The following EYS variants were observed in gnomAD, a reference collection of about 807,000 sequenced individuals.
EYS encodes the protein protein eyes shut homolog.
Under a neutral mutation model 282.1 loss-of-function variants are expected in EYS, and 250 were observed. The observed-to-expected ratio is 0.89, with a 90% CI of 0.80 to 0.98. The LOEUF is 0.98. EYS is among the 50% of genes least tolerant of loss of function. The probability of loss-of-function intolerance (pLI) is 0.00; values close to 1 mark genes in which losing one functional copy is unlikely to be tolerated. For synonymous variants in EYS, 1,355 were observed against 1,282.9 expected (o/e 1.06, Z -1.20); for missense variants, 4,016 against 3,709.0 (o/e 1.08, Z -2.15).
At chr6:64,228,869 G>A (rs1221910913) in intron 31 of EYS, among the ~76,000 whole-genome samples, 2 of 152,104 alleles carry the variant, frequency 1.3e-5, no homozygotes, top group East Asian at 3.9e-4. Context: ...ACTAGGTAAA[G>A]AGTTAAAGGA....
At chr6:63,782,154 G>A (rs531249402) in intron 39 of EYS, among the ~76,000 whole-genome samples, 1 of 152,298 alleles carries the variant, frequency 6.6e-6, no homozygotes, top group Admixed American at 6.5e-5. Context: ...CAGTTTGCCA[G>A]TATTTTATTG....
intron 29 of EYS, among the ~76,000 whole-genome samples, chr6:64,343,071 C>T (rs925363202): frequency 8.6e-5 from 13 of 152,012 alleles, no homozygotes; most frequent in African/African-American, 1.4e-4. Flanking sequence ...ACTTAGTTAC[C>T]TACAAAGAGA....
intron 12 of EYS, among the ~76,000 whole-genome samples, chr6:65,101,696 T>C (rs1311974009): frequency 6.6e-6 from 1 of 151,230 alleles, no homozygotes; most frequent in South Asian, 2.1e-4. Context: ...GCTTTCTGAC[T>C]TGGAGTCACA....
chr6:65,486,042 C>T (rs1765770403), intron 5 of EYS, among the ~76,000 whole-genome samples: 1 of 152,114 alleles, frequency 6.6e-6, no homozygotes, highest in South Asian at 2.1e-4. Flanking sequence ...ATTTTAAATA[C>T]ACATTTTGTT....
At chr6:64,445,267 A>T (rs1775082757) in intron 26 of EYS, among the ~76,000 whole-genome samples, 1 of 152,210 alleles carries the variant, frequency 6.6e-6, no homozygotes, top group South Asian at 2.1e-4. Context: ...AATAATGATT[A>T]TAGCAAGCAC....
intron 5 of EYS, among the ~76,000 whole-genome samples, chr6:65,407,851 A>C (rs2150367496): frequency 6.6e-6 from 1 of 151,850 alleles, no homozygotes; most frequent in African/African-American, 2.4e-5. Flanking sequence ...GAAAGTAGAT[A>C]TCATAGTCTT....
chr6:64,493,574 C>G (rs1349117376), intron 26 of EYS, among the ~76,000 whole-genome samples: 1 of 151,452 alleles, frequency 6.6e-6, no homozygotes, highest in Non-Finnish European at 1.5e-5. Context: ...ATCAGTAGGT[C>G]CCCTTCAGTT....
intron 22 of EYS, among the ~76,000 whole-genome samples, chr6:64,655,537 G>A (rs1009729962): frequency 4.0e-5 from 6 of 151,710 alleles, no homozygotes; most frequent in African/African-American, 1.5e-4. Context: ...TAGAAAAAAA[G>A]GGAAACAGAC....
chr6:65,235,725 T>G (rs1766905212), intron 12 of EYS, among the ~76,000 whole-genome samples: 1 of 152,210 alleles, frequency 6.6e-6, no homozygotes, highest in African/African-American at 2.4e-5. Context: ...AAATTTTCCT[T>G]GATTTTTGAA....
chr6:64,360,305 T>G (rs1009327261), intron 29 of EYS, among the ~76,000 whole-genome samples: 2 of 151,708 alleles, frequency 1.3e-5, no homozygotes, highest in Admixed American at 1.3e-4. Flanking sequence ...TCACATATTT[T>G]TCCACACTCT....
At chr6:64,806,704 T>G (rs1764439695) in intron 22 of EYS, among the ~76,000 whole-genome samples, 1 of 151,234 alleles carries the variant, frequency 6.6e-6, no homozygotes. Flanking sequence ...CCAAGGAGAA[T>G]CAAGTCTGGG....
At chr6:64,735,209 G>A (rs9294589) in intron 22 of EYS, among the ~76,000 whole-genome samples, 10,407 of 152,028 alleles carry the variant, frequency 0.068, 1,194 homozygotes, top group African/African-American at 0.24. Flanking sequence ...TCAGCCTCCC[G>A]AGTGGCTGAG....
intron 28 of EYS, among the ~76,000 whole-genome samples, chr6:64,420,706 T>C (rs1774203673): frequency 6.6e-6 from 1 of 152,078 alleles, no homozygotes. Flanking sequence ...CCCTAAATCA[T>C]CTCTCTCATG....
At chr6:64,720,576 C>T (rs770839338) in intron 22 of EYS, among the ~76,000 whole-genome samples, 93 of 152,120 alleles carry the variant, frequency 6.1e-4, no homozygotes, top group Non-Finnish European at 1.0e-4. Flanking sequence ...ATCATATATT[C>T]TTGCAGTTTT....
In EYS at chr6:65,057,649, C is replaced by G. The variant is rs1027731148; in HGVS notation, c.2102G>C (p.Gly701Ala). 1 of 1,550,672 alleles carries G rather than the reference C, an allele frequency of 6.4e-7. No homozygotes were observed. Among genetic ancestry groups the G allele is most frequent in the Non-Finnish European group, 8.7e-7 (1 of 1,146,276 alleles). The change falls in exon 13 of 43, where the codon GGT becomes GCT. Residue 701 changes from glycine (G) to alanine (A), a missense_variant. Transcript: ENST00000503581. Reference sequence around the variant, plus strand: ...AGGCACACACTGGCAGAAGTAATTACCAGGTTGGTCAATGCAGGTGGCTCC... The same window carrying G: ...AGGCACACACTGGCAGAAGTAATTAGCAGGTTGGTCAATGCAGGTGGCTCC... ...KNGATCIDQP[G>A]NYFCQCVPPF...
intron 26 of EYS, among the ~76,000 whole-genome samples, chr6:64,467,299 A>G (rs913782482): frequency 2.6e-5 from 4 of 152,192 alleles, no homozygotes; most frequent in Admixed American, 2.6e-4. Flanking sequence ...AGATTTTAAA[A>G]TAGCTAGAAC....
At chr6:64,949,200 G>T (rs531213994) in intron 14 of EYS, among the ~76,000 whole-genome samples, 17 of 151,926 alleles carry the variant, frequency 1.1e-4, no homozygotes, top group Admixed American at 7.2e-4. Flanking sequence ...CAACATAAAT[G>T]TATTGTCTCA....
intron 33 of EYS, among the ~76,000 whole-genome samples, chr6:64,043,110 G>A (rs985887296): frequency 5.3e-5 from 8 of 152,110 alleles, no homozygotes; most frequent in Admixed American, 2.6e-4. Flanking sequence ...TTTTATTTAA[G>A]TTGGGTCCCA....
At position 63,780,209 on chromosome 6, in the gene EYS, C is replaced by T. The variant is rs1305476155; in HGVS notation, c.7724-2029G>A. Among the ~76,000 whole-genome samples, 6 of 152,148 alleles carry T rather than the reference C, an allele frequency of 3.9e-5. No homozygotes were observed. In the South Asian group the frequency reaches 6.2e-4, roughly 16 times the overall value. On this transcript the variant is annotated intron_variant, in intron 39 of 42. Coordinates refer to ENST00000503581, the MANE Select transcript of EYS (RefSeq NM_001142800.2). ...TGTGAATAGTGCTGCAATAAACATA[C>T]GTGTGCATGTGTCTTTATAGCAGCA...
Sources: gnomAD v4.1 joint callset for allele counts (sites outside exome capture counted in the v4.1 genomes callset) on GRCh38, gnomAD v4.1.1 for gene constraint, MANE v1.5 for transcripts, NCBI Gene and HGNC (gene_info 2026-07-23, HGNC 2026-07-21) for gene names.